Variants in ARFGEF2 observed in about 807,000 individuals in gnomAD.
The protein encoded by ARFGEF2 is brefeldin A-inhibited guanine nucleotide-exchange protein 2.
ARFGEF2 carries 74 observed loss-of-function variants against 219.9 expected under a neutral mutation model. The observed-to-expected ratio is 0.34, with a 90% CI of 0.28 to 0.41. The LOEUF is 0.41. Among genes scored for constraint, ARFGEF2 ranks in the 10% least tolerant of loss-of-function variants. The probability of loss-of-function intolerance (pLI) is 1.00; values close to 1 mark genes in which losing one functional copy is unlikely to be tolerated. For missense variants in ARFGEF2, 1,743 were observed against 2,218.3 expected (o/e 0.79, Z 4.30); for synonymous variants, 733 against 799.2 (o/e 0.92, Z 1.40).
intron 14 of ARFGEF2, among the ~76,000 whole-genome samples, chr20:48,980,658 A>T (rs548166000): frequency 3.3e-5 from 5 of 152,228 alleles, no homozygotes; most frequent in Admixed American, 2.0e-4. Context: ...TTATGAATCT[A>T]GGTGCTCCCG....
At chr20:48,989,493 A>G (rs907704258) in intron 19 of ARFGEF2, 57 bp downstream of exon 19, 1 of 1,614,264 alleles carries the variant, frequency 6.2e-7, no homozygotes, top group Non-Finnish European at 8.5e-7. Flanking sequence ...GAAGCTGGCC[A>G]GCGAGAAGTA....
At chr20:48,984,688 T>G (rs1334574213) in intron 14 of ARFGEF2, 41 bp from the exon 15 acceptor site, 2 of 1,613,618 alleles carry the variant, frequency 1.2e-6, no homozygotes, top group Non-Finnish European at 1.7e-6. Context: ...TCCTCCAGAT[T>G]TTGAAATAAG....
At chr20:48,976,582 G>C (rs551754216) in intron 14 of ARFGEF2, among the ~76,000 whole-genome samples, 1 of 152,204 alleles carries the variant, frequency 6.6e-6, no homozygotes, top group Non-Finnish European at 1.5e-5. Flanking sequence ...GCTGAGGCAG[G>C]TGGATCATGA....
Position 49,023,230 on chromosome 20 carries a change from G to C in ARFGEF2, c.4755+49G>C, listed in dbSNP as rs187270675. 1,646 of 1,610,966 alleles carry C rather than the reference G, an allele frequency of 1.0e-3. 17 individuals are homozygous for C. The highest frequency in any genetic ancestry group is 3.4e-4 in the Middle Eastern group (2 of 5,886). On this transcript the variant is annotated intron_variant, in intron 35 of 38. Transcript: ENST00000371917. ...GAGCATCCCTGTCCATAGGGAGGTT[G>C]CTTTGATGTAGTGGTGTGCGGAAGC...
Position 49,034,658 on chromosome 20 carries a change from C to G in ARFGEF2, c.*1459C>G, listed in dbSNP as rs2091656007. ...CCTGTAAATTGGGTTGTATTGATGT[C>G]AACTCTGGTGCCTTAGAAGTTAGTA... is the stretch of plus-strand genomic sequence containing the variant. On this transcript the variant is annotated 3_prime_UTR_variant, in exon 39 of 39. Transcript: ENST00000371917. 6.6e-6 allele frequency: 1 copy of G among 152,178 alleles called. No homozygotes were observed. The highest frequency in any genetic ancestry group is 2.4e-5 in the African/African-American group (1 of 41,438). The allele number at this position is 152,178 out of a possible 1,614,324, so 9.4% of individuals were successfully genotyped here.
At chr20:48,936,209 C>T (rs1357480260) in intron 1 of ARFGEF2, among the ~76,000 whole-genome samples, 13 of 141,038 alleles carry the variant, frequency 9.2e-5, no homozygotes, top group East Asian at 6.8e-4. Flanking sequence ...CGGGCAGAGG[C>T]GCCCCTCACC....
Position 49,018,918 on chromosome 20 carries a change from T to G in ARFGEF2, c.4544T>G (p.Ile1515Arg), listed in dbSNP as rs1031926506. 3 of 1,613,918 alleles carry G rather than the reference T, an allele frequency of 1.9e-6. No individual in the cohort carries two copies. The African/African-American group carries it at 4.0e-5, about 22-fold the overall frequency. ...VDLDRQSLSS[I>R]DKNPSERGQS... Reference sequence around the variant, plus strand: ...CTGGACCGCCAGTCTTTAAGCAGCATAGATAAAAATCCCTCTGAGAGGGGA... The same window carrying G: ...CTGGACCGCCAGTCTTTAAGCAGCAGAGATAAAAATCCCTCTGAGAGGGGA... The change falls in exon 34 of 39, where the codon ATA (isoleucine) becomes AGA (arginine). Residue 1515 changes from isoleucine (I) to arginine (R), a missense_variant. Ile to Arg is a moderately conservative substitution (Grantham distance 97). Transcript: ENST00000371917.
rs371676741 is a variant in ARFGEF2, at chr20:48,949,009, T to G, written c.277-2314T>G. 9.8e-5 allele frequency among the ~76,000 whole-genome samples: 15 copies of G among 152,348 alleles called. 1 individual carries two copies. Among genetic ancestry groups the G allele is most frequent in the South Asian group, 8.3e-4 (4 of 4,822 alleles). On this transcript the variant is annotated intron_variant, in intron 3 of 38. Transcript: ENST00000371917. The stretch of plus-strand genomic sequence containing the variant: ...AATAATTACGTTTGTCTTACTATTG[T>G]ATCCCCAGTGCCCAGAACAGGGTCT...
intron 26 of ARFGEF2, among the ~76,000 whole-genome samples, chr20:49,008,708 T>A (rs1344205260): frequency 8.0e-6 from 1 of 124,968 alleles, no homozygotes; most frequent in Admixed American, 7.8e-5. Flanking sequence ...CATGTAAAGG[T>A]TTTTTTTTTT....
chr20:48,989,630 G>C lies in ARFGEF2; in HGVS notation c.2760G>C (p.Leu920Phe). 2 of 1,614,224 alleles carry C rather than the reference G, an allele frequency of 1.2e-6. No individual in the cohort carries two copies. Among genetic ancestry groups the C allele is most frequent in the South Asian group, 2.2e-5 (2 of 91,090 alleles). ...QNCDDTEVAS[L>F]CLEGIRCAIR... ...GTGATGACACTGAAGTGGCCTCCTT[G>C]TGTTTGGAAGGCATCCGATGTGCAA... The change falls in exon 20 of 39, where the codon TTG becomes TTC. Residue 920 changes from leucine (L) to phenylalanine (F), a missense_variant. This residue lies in a region of ARFGEF2 where 666 missense variants were observed against 955.4 expected (regional missense o/e 0.70). Transcript: ENST00000371917.
intron 30 of ARFGEF2, 87 bp downstream of exon 30, chr20:49,014,047 T>C: frequency 6.4e-7 from 1 of 1,562,882 alleles, no homozygotes; most frequent in South Asian, 1.1e-5. Context: ...TGCATCATCG[T>C]CTACCCAGAG....
chr20:49,014,068 C>A, intron 30 of ARFGEF2, 108 bp downstream of exon 30: 1 of 1,448,380 alleles, frequency 6.9e-7, no homozygotes, highest in Non-Finnish European at 9.6e-7. Context: ...TTCTTAAATA[C>A]TGAGCAACTT....
chr20:48,991,459 G>A (rs1054287441), intron 21 of ARFGEF2, among the ~76,000 whole-genome samples: 5 of 151,252 alleles, frequency 3.3e-5, no homozygotes, highest in African/African-American at 1.2e-4. Context: ...TTCCATATTA[G>A]TGCCATTTTT....
At chr20:48,932,116 C>T (rs904832770) in intron 1 of ARFGEF2, among the ~76,000 whole-genome samples, 4 of 152,068 alleles carry the variant, frequency 2.6e-5, no homozygotes, top group Admixed American at 1.3e-4. Flanking sequence ...TGTGAAGTTC[C>T]TGAGAAGGCG....
At chr20:48,994,428 T>C in intron 21 of ARFGEF2, 23 bp from the exon 22 acceptor site, 1 of 1,613,710 alleles carries the variant, frequency 6.2e-7, no homozygotes, top group Non-Finnish European at 8.5e-7. Flanking sequence ...GGAACTCATT[T>C]CTTCATGCCT....
intron 1 of ARFGEF2, 97 bp downstream of exon 1, chr20:48,922,107 TC>T (rs1175911951): frequency 2.7e-6 from 4 of 1,467,054 alleles, no homozygotes; most frequent in Non-Finnish European, 3.6e-6. Context: ...GGCCTCCGCT[TC>T]CCCCCGATCC....
intron 4 of ARFGEF2, 93 bp downstream of exon 4, chr20:48,951,562 C>T: frequency 1.9e-6 from 3 of 1,544,170 alleles, no homozygotes; most frequent in Non-Finnish European, 2.7e-6. Flanking sequence ...TTAGTTGTCT[C>T]AGGTGGTGCT....
intron 35 of ARFGEF2, among the ~76,000 whole-genome samples, chr20:49,023,521 T>TG (rs1450528532): frequency 1.0e-5 from 1 of 96,730 alleles, no homozygotes; most frequent in African/African-American, 4.9e-5. Flanking sequence ...GTTTTTTTTC[T>TG]GGTTTTTTTT....
intron 14 of ARFGEF2, among the ~76,000 whole-genome samples, chr20:48,978,684 T>C (rs1034482140): frequency 1.4e-4 from 22 of 152,216 alleles, no homozygotes; most frequent in African/African-American, 5.1e-4. Context: ...GAAGAGGTCC[T>C]TCACATCCCT....
Sources: gnomAD v4.1 joint callset for allele counts (sites outside exome capture counted in the v4.1 genomes callset) on GRCh38, gnomAD v4.1.1 for gene constraint, gnomAD v4.1.1 regional missense constraint, MANE v1.5 for transcripts, NCBI Gene and HGNC (gene_info 2026-07-23, HGNC 2026-07-21) for gene names.